Variants in NIN observed in about 807,000 individuals in gnomAD.
The protein encoded by NIN is glycogen synthase kinase 3 beta-interacting protein.
NIN carries 137 observed loss-of-function variants against 257.6 expected under a neutral mutation model. The ratio of observed to expected loss-of-function variants is 0.53; its 90% CI spans 0.46 to 0.61. The LOEUF is 0.61. Among genes scored for constraint, NIN ranks in the 20% least tolerant of loss-of-function variants. The pLI is 0.00. For missense variants in NIN, 2,439 were observed against 2,501.2 expected (o/e 0.98, Z 0.53); for synonymous variants, 918 against 919.8 (o/e 1.00, Z 0.04).
intron 20 of NIN, among the ~76,000 whole-genome samples, chr14:50,753,995 T>C (rs535140115): frequency 2.0e-5 from 3 of 152,340 alleles, no homozygotes; most frequent in East Asian, 3.9e-4. Context: ...CTTGTCTATT[T>C]CAAGTGCTGA....
chr14:50,730,951 G>C (rs768469360), intron 28 of NIN: 1 of 1,348,032 alleles, frequency 7.4e-7, no homozygotes, highest in Non-Finnish European at 9.8e-7. Flanking sequence ...GCAGAGAACT[G>C]CACCCTTCTC....
chr14:50,829,136 G>A (rs1297959369), intron 2 of NIN, among the ~76,000 whole-genome samples: 1 of 152,120 alleles, frequency 6.6e-6, no homozygotes, highest in East Asian at 1.9e-4. Context: ...AAACAAATCT[G>A]CAAACAAATT....
At position 50,813,632 on chromosome 14, in the gene NIN, C is replaced by CA. The variant is rs531931204; in HGVS notation, c.184-6815dup. Reference sequence around the variant, plus strand: ...AAGAAACAAATTCAAACCACACACACAAAAAAACCCTGTAACAGGAAGTGG... The same window carrying CA: ...AAGAAACAAATTCAAACCACACACACAAAAAAAACCCTGTAACAGGAAGTGG... On this transcript the variant is annotated intron_variant, in intron 3 of 30. Coordinates refer to ENST00000530997, the MANE Select transcript of NIN (RefSeq NM_020921.4). 2.6e-5 allele frequency among the ~76,000 whole-genome samples: 4 copies of CA among 152,130 alleles called. No homozygotes were observed. In the East Asian group the frequency reaches 5.8e-4, roughly 22 times the overall value.
chr14:50,757,757 CA>C lies in NIN; in HGVS notation c.3272del (p.Leu1091CysfsTer8). The C allele has an allele frequency of 6.2e-7, 1 of 1,614,180 alleles. No homozygotes were observed. Among genetic ancestry groups the C allele is most frequent in the Non-Finnish European group, 8.5e-7 (1 of 1,180,044 alleles). ...GCTCTAACTTTTGTAGCCTCTGTTG[CA>C]ATCTAGAAATTTCAGTAGCCATTTT... ...NVKMATEISRLQQRLQKLEPG... is the reference protein window; with the variant it reads ...NVKMATEISRXQQRLQKLEPG... On this transcript the variant is annotated frameshift_variant, in exon 18 of 31. Transcript: ENST00000530997. LOFTEE classifies it high-confidence loss of function.
At chr14:50,759,830 T>C (rs773355164) in intron 17 of NIN, 27 bp downstream of exon 17, 1 of 1,576,878 alleles carries the variant, frequency 6.3e-7, no homozygotes, top group Non-Finnish European at 8.6e-7. Context: ...GTGCCCCAGG[T>C]AGCTTCATTT....
At chr14:50,749,849 CCTA>C (rs1191516951) in intron 21 of NIN, among the ~76,000 whole-genome samples, 1 of 151,892 alleles carries the variant, frequency 6.6e-6, no homozygotes, top group African/African-American at 2.4e-5. Context: ...GCCACCATGC[CCTA>C]CTAATTTTTT....
Position 50,720,236 on chromosome 14 carries a change from A to G in NIN, c.*3227T>C, listed in dbSNP as rs1212802235. ...TTACTTGTATAATTATATCATTCCA[A>G]TGAGTCACTACAGGTAATCCATTCA... On this transcript the variant is annotated 3_prime_UTR_variant, in exon 31 of 31. Transcript: ENST00000530997. 9.0e-6 allele frequency: 2 copies of G among 222,502 alleles called. No homozygotes were observed. Among genetic ancestry groups the G allele is most frequent in the African/African-American group, 4.5e-5 (2 of 44,740 alleles). 13.8% of individuals were successfully genotyped at this position (222,502 alleles called of 1,614,324 possible).
At chr14:50,811,448 G>C (rs969242271) in intron 3 of NIN, among the ~76,000 whole-genome samples, 3 of 151,018 alleles carry the variant, frequency 2.0e-5, no homozygotes, top group South Asian at 2.1e-4. Context: ...AAAAACTAAT[G>C]GGTCAGGAGA....
At position 50,777,920 on chromosome 14, in the gene NIN, G is replaced by A. The variant is rs563907776; in HGVS notation, c.476-781C>T. ...GTGCTTGGAAGAACCTCAGAGGGTT[G>A]AAAGCAGTATTTAGTGCTACTCCCA... On this transcript the variant is annotated intron_variant, in intron 6 of 30. Transcript: ENST00000530997. Among the ~76,000 whole-genome samples, 3 of 152,316 alleles carry A rather than the reference G, an allele frequency of 2.0e-5. No individual in the cohort carries two copies. In the South Asian group the frequency reaches 6.2e-4, roughly 32 times the overall value.
At position 50,741,924 on chromosome 14, in the gene NIN, CAAT is replaced by C; in HGVS notation, c.5302-199_5302-197del. ...ACAGGATGTTAAATTATATTTAGGACAATGATGAACTATGTCTGGAGCAAGGTA... is the reference window on the plus strand; with the variant it reads ...ACAGGATGTTAAATTATATTTAGGACGATGAACTATGTCTGGAGCAAGGTA... On this transcript the variant is annotated intron_variant, in intron 24 of 30. Coordinates refer to ENST00000530997, the MANE Select transcript of NIN (RefSeq NM_020921.4). 3 of 511,810 alleles carry C rather than the reference CAAT, an allele frequency of 5.9e-6. No homozygotes were observed. In the East Asian group the frequency reaches 8.9e-5, roughly 15 times the overall value. 31.7% of individuals were successfully genotyped at this position (511,810 alleles called of 1,614,324 possible).
At chr14:50,760,384 A>G (rs772803796) in intron 16 of NIN, 25 bp from the exon 17 acceptor site, 2 of 1,568,630 alleles carry the variant, frequency 1.3e-6, no homozygotes, top group Non-Finnish European at 8.6e-7. Flanking sequence ...TGACACCACC[A>G]CAAGATTACT....
chr14:50,809,015 G>A (rs2044459839), intron 3 of NIN, among the ~76,000 whole-genome samples: 3 of 152,198 alleles, frequency 2.0e-5, no homozygotes, highest in African/African-American at 7.2e-5. Context: ...GAGGCCAGGA[G>A]TTTGAGACCC....
chr14:50,811,064 G>A (rs2044574454), intron 3 of NIN, among the ~76,000 whole-genome samples: 3 of 151,642 alleles, frequency 2.0e-5, no homozygotes, highest in South Asian at 4.2e-4. Context: ...ATGTATCCAT[G>A]CTTAGTGTTG....
chr14:50,783,674 A>G (rs1309117778), intron 5 of NIN, among the ~76,000 whole-genome samples: 2 of 152,142 alleles, frequency 1.3e-5, no homozygotes, highest in Non-Finnish European at 2.9e-5. Flanking sequence ...GGAAGATTCA[A>G]TTCATTCACA....
At chr14:50,775,821 A>G (rs2042901115) in intron 7 of NIN, among the ~76,000 whole-genome samples, 1 of 152,208 alleles carries the variant, frequency 6.6e-6, no homozygotes, top group South Asian at 2.1e-4. Context: ...TTTACAATTC[A>G]GGAGAATAAA....
chr14:50,740,595 G>A (rs2041237002), intron 25 of NIN, among the ~76,000 whole-genome samples: 2 of 151,988 alleles, frequency 1.3e-5, no homozygotes, highest in Admixed American at 6.6e-5. Context: ...TGATCCGCCC[G>A]CCTAGGCCTC....
At chr14:50,785,795 A>G (rs2043321038) in intron 5 of NIN, among the ~76,000 whole-genome samples, 2 of 152,154 alleles carry the variant, frequency 1.3e-5, no homozygotes, top group Admixed American at 6.5e-5. Flanking sequence ...AGGGCTGGCT[A>G]TTGTTTCTGC....
chr14:50,824,869 A>T (rs1415934040), intron 2 of NIN, among the ~76,000 whole-genome samples: 5 of 152,212 alleles, frequency 3.3e-5, no homozygotes, highest in African/African-American at 7.2e-5. Context: ...TCAGCCTCCT[A>T]AGCAAGAAGT....
rs189948044 is a variant in NIN at position 50,821,778 on chromosome 14, G to C, written c.183+96C>G. 4.3e-6 allele frequency: 4 copies of C among 933,980 alleles called. No individual in the cohort carries two copies. In the African/African-American group the frequency reaches 4.9e-5, roughly 11 times the overall value. 57.9% of individuals were successfully genotyped at this position (933,980 alleles called of 1,614,324 possible). On this transcript the variant is annotated intron_variant, in intron 3 of 30. Coordinates refer to ENST00000530997, the MANE Select transcript of NIN (RefSeq NM_020921.4). ...TTATCATGTAACAGCCAGGATGCTA[G>C]AAACAAGTTGCAACATGTGTGGTCC...
Sources: gnomAD v4.1 joint callset for allele counts (sites outside exome capture counted in the v4.1 genomes callset) on GRCh38, gnomAD v4.1.1 for gene constraint, MANE v1.5 for transcripts, NCBI Gene and HGNC (gene_info 2026-07-23, HGNC 2026-07-21) for gene names.